Variants in DHX35 observed in about 807,000 individuals in gnomAD.
DHX35 encodes the protein probable ATP-dependent RNA helicase DHX35.
A neutral mutation model predicts 99.6 loss-of-function variants in DHX35; 84 were observed. The ratio of observed to expected loss-of-function variants is 0.84; its 90% CI spans 0.71 to 1.01. The LOEUF is 1.01. Ranked by LOEUF, DHX35 falls within the 50% of genes least tolerant of loss-of-function variation. The pLI is 0.00. For synonymous variants in DHX35, 331 were observed against 316.2 expected, an observed-to-expected ratio of 1.05 and a Z score of -0.50; for missense variants, 852 against 888.5, an observed-to-expected ratio of 0.96 and a Z score of 0.52.
intron 1 of DHX35, 185 bp downstream of exon 1, chr20:38,962,592 C>T: frequency 1.5e-6 from 1 of 686,862 alleles, no homozygotes; most frequent in South Asian, 1.9e-5. Flanking sequence ...TTTGGGGGTG[C>T]TCCCCTAGCG....
intron 2 of DHX35, among the ~76,000 whole-genome samples, chr20:38,972,015 T>G (rs1176449917): frequency 7.0e-6 from 1 of 143,270 alleles, no homozygotes. Context: ...TTTTTTTTTT[T>G]TTTTTTTTTT....
intron 12 of DHX35, among the ~76,000 whole-genome samples, chr20:39,009,502 C>CA (rs2086667011): frequency 6.6e-6 from 1 of 151,846 alleles, no homozygotes; most frequent in African/African-American, 2.4e-5. Context: ...ACATCAGTTA[C>CA]AATGTTGACT....
rs756036336 is a variant in DHX35 at position 39,018,884 on chromosome 20, A to G, written c.1483A>G (p.Met495Val). The G allele has an allele frequency of 5.0e-6, 8 of 1,613,978 alleles. No homozygotes were observed. In the South Asian group the frequency reaches 7.7e-5, roughly 16 times the overall value. ...TCCTTTGAATCCCATGTTTGCCAAAATGCTGCTTGAATCAGGTGGGTAGAG... is the reference window on the plus strand; with the variant it reads ...TCCTTTGAATCCCATGTTTGCCAAAGTGCTGCTTGAATCAGGTGGGTAGAG... ...EFPLNPMFAK[M>V]LLESGNFGCS... Residue 495 changes from methionine to valine, a missense_variant, in exon 15 of 22, where the codon ATG becomes GTG. Coordinates refer to ENST00000252011, the MANE Select transcript of DHX35 (RefSeq NM_021931.4).
chr20:39,013,092 A>C (rs2086729435), intron 13 of DHX35, among the ~76,000 whole-genome samples: 1 of 152,172 alleles, frequency 6.6e-6, no homozygotes, highest in African/African-American at 2.4e-5. Context: ...AATATAAATA[A>C]TGAAAATTAT....
intron 8 of DHX35, among the ~76,000 whole-genome samples, chr20:39,000,950 C>T (rs1163387548): frequency 6.6e-6 from 1 of 152,140 alleles, no homozygotes; most frequent in Non-Finnish European, 1.5e-5. Flanking sequence ...TCTCTTTGTA[C>T]CTTAGGGTCA....
rs2087028501 is a variant in DHX35, at chr20:39,030,366, C to A, written c.1884-338C>A. On this transcript the variant is annotated intron_variant, in intron 19 of 21. Transcript: ENST00000252011. ...TTGCTTTTTAGATTATAGAAGAAAT[C>A]ACATGTATTATTTCCATTCCAAAGG... 3 of 259,384 alleles carry A rather than the reference C, an allele frequency of 1.2e-5. No individual in the cohort carries two copies. In the South Asian group the frequency reaches 1.7e-4, roughly 15 times the overall value. The allele number at this position is 259,384 out of a possible 1,614,324, so 16.1% of individuals were successfully genotyped here.
chr20:39,002,934 T>C, intron 10 of DHX35, 66 bp downstream of exon 10: 1 of 1,316,196 alleles, frequency 7.6e-7, no homozygotes, highest in South Asian at 1.2e-5. Context: ...ATACAGAGCC[T>C]TGTTACTTTA....
chr20:38,979,772 G>A (rs1162014915), intron 3 of DHX35, among the ~76,000 whole-genome samples: 1 of 150,350 alleles, frequency 6.7e-6, no homozygotes, highest in Non-Finnish European at 1.5e-5. Flanking sequence ...ATGTGCAAAA[G>A]CACTGGATAC....
At chr20:39,030,797 G>T in intron 20 of DHX35, 22 bp downstream of exon 20, 1 of 1,612,190 alleles carries the variant, frequency 6.2e-7, no homozygotes, top group South Asian at 1.1e-5. Context: ...CTGCTGCTTA[G>T]CCTGTGCCTG....
chr20:38,975,251 A>G (rs978913370), intron 3 of DHX35, among the ~76,000 whole-genome samples: 1 of 152,352 alleles, frequency 6.6e-6, no homozygotes, highest in African/African-American at 2.4e-5. Context: ...AAATGCATGC[A>G]GCAGAGGAAA....
intron 21 of DHX35, 44 bp downstream of exon 21, chr20:39,034,361 C>T (rs769826819): frequency 1.3e-6 from 2 of 1,483,520 alleles, no homozygotes; most frequent in Non-Finnish European, 1.9e-6. Flanking sequence ...TGTTCACAGC[C>T]TCTCCATGTT....
chr20:38,994,305 A>G (rs2086389516), intron 7 of DHX35, among the ~76,000 whole-genome samples: 1 of 151,952 alleles, frequency 6.6e-6, no homozygotes, highest in Admixed American at 6.6e-5. Context: ...TCTCATTGTT[A>G]TTATATATCT....
At position 39,003,279 on chromosome 20, in the gene DHX35, C is replaced by G. The variant is rs1196335739; in HGVS notation, c.852+411C>G. Among the ~76,000 whole-genome samples, 3 of 152,182 alleles carry G rather than the reference C, an allele frequency of 2.0e-5. No homozygotes were observed. The East Asian group carries it at 5.8e-4, about 29-fold the overall frequency. ...CCATATTACTGGTAAAACAACTGAA[C>G]AGACCCAAGTGCTCGCTGACGGTGG... On this transcript the variant is annotated intron_variant, in intron 10 of 21. Coordinates refer to ENST00000252011, the MANE Select transcript of DHX35 (RefSeq NM_021931.4).
chr20:39,023,578 T>C, intron 16 of DHX35, 112 bp from the exon 17 acceptor site: 1 of 964,878 alleles, frequency 1.0e-6, no homozygotes, highest in Non-Finnish European at 1.6e-6. Flanking sequence ...GTCTCGAACT[T>C]CTGGGTTCAG....
intron 8 of DHX35, among the ~76,000 whole-genome samples, 157 bp downstream of exon 8, chr20:38,995,037 A>G (rs984628713): frequency 1.4e-4 from 22 of 151,988 alleles, no homozygotes; most frequent in African/African-American, 5.3e-4. Context: ...ATCAGAGGTT[A>G]CTCCTTTTCA....
rs1392484448 is a variant in DHX35 at position 38,969,136 on chromosome 20, C to G, written c.96C>G (p.Asn32Lys). The G allele has an allele frequency of 6.2e-7, 1 of 1,613,692 alleles. No individual in the cohort carries two copies. The highest frequency in any genetic ancestry group is 1.3e-5 in the African/African-American group (1 of 74,904). Residue 32 changes from asparagine (N) to lysine (K), a missense_variant, in exon 2 of 22, where the codon AAC becomes AAG. Physicochemically the swap from Asn to Lys is moderately conservative, Grantham distance 94. Coordinates refer to ENST00000252011, the MANE Select transcript of DHX35 (RefSeq NM_021931.4). Reference sequence around the variant, plus strand: ...AAGAGAGACAAAGTCTGGCTGAAAACTCTGGGACAACGGTTGTTTACAACC... The same window carrying G: ...AAGAGAGACAAAGTCTGGCTGAAAAGTCTGGGACAACGGTTGTTTACAACC... ...ISEERQSLAE[N>K]SGTTVVYNPY... is the part of the protein sequence containing the mutation.
chr20:39,028,902 G>A (rs2086999976), intron 19 of DHX35, among the ~76,000 whole-genome samples: 1 of 152,196 alleles, frequency 6.6e-6, no homozygotes, highest in Non-Finnish European at 1.5e-5. Flanking sequence ...CTGGTATAGT[G>A]TGGCCACGTC....
chr20:39,011,428 C>T (rs1467645333), intron 13 of DHX35, among the ~76,000 whole-genome samples: 3 of 152,156 alleles, frequency 2.0e-5, no homozygotes, highest in African/African-American at 4.8e-5. Context: ...CTCTGCCTCC[C>T]AGGCTCAAGT....
At chr20:38,996,381 G>C (rs2086429451) in intron 8 of DHX35, among the ~76,000 whole-genome samples, 1 of 152,214 alleles carries the variant, frequency 6.6e-6, no homozygotes, top group South Asian at 2.1e-4. Flanking sequence ...AATTTTGACT[G>C]ACTGGGAAGT....
Sources: gnomAD v4.1 joint callset for allele counts (sites outside exome capture counted in the v4.1 genomes callset) on GRCh38, gnomAD v4.1.1 for gene constraint, MANE v1.5 for transcripts, NCBI Gene and HGNC (gene_info 2026-07-23, HGNC 2026-07-21) for gene names.